DLG2: variants seen among roughly 807,000 people sequenced by gnomAD.
DLG2 encodes disks large homolog 2.
Under a neutral mutation model 132.5 loss-of-function variants are expected in DLG2, and 45 were observed. That is an observed-to-expected ratio of 0.34 (90% CI 0.27 to 0.44). The LOEUF is 0.44. DLG2 is among the 20% of genes least tolerant of loss of function. DLG2 has a pLI of 1.00. For missense variants in DLG2, 1,045 were observed against 1,196.9 expected (o/e 0.87, Z 1.87); for synonymous variants, 424 against 419.6 (o/e 1.01, Z -0.13).
intron 4 of DLG2, among the ~76,000 whole-genome samples, chr11:85,245,218 C>T (rs967746814): frequency 6.6e-6 from 1 of 151,872 alleles, no homozygotes; most frequent in Admixed American, 6.6e-5. Context: ...CATTTATATT[C>T]AACTGTAAAT....
intron 6 of DLG2, among the ~76,000 whole-genome samples, chr11:84,919,518 C>A (rs10898331): frequency 0.51 from 76,780 of 151,862 alleles, 19,768 homozygotes; most frequent in South Asian, 0.59. Flanking sequence ...TAGTAAGTCA[C>A]CGCTCAAGAG....
chr11:85,307,898 TA>T (rs1373434382), intron 3 of DLG2, among the ~76,000 whole-genome samples: 1 of 152,188 alleles, frequency 6.6e-6, no homozygotes, highest in Non-Finnish European at 1.5e-5. Context: ...CTCATGCCTG[TA>T]ATCCCAGCAT....
chr11:83,566,915 A>C (rs2096719114), intron 19 of DLG2, among the ~76,000 whole-genome samples: 1 of 152,170 alleles, frequency 6.6e-6, no homozygotes, highest in Non-Finnish European at 1.5e-5. Context: ...ACAGTGCCTA[A>C]ACAACTAGTA....
chr11:83,683,705 C>T (rs1009438088), intron 18 of DLG2, among the ~76,000 whole-genome samples: 3 of 152,122 alleles, frequency 2.0e-5, no homozygotes, highest in Non-Finnish European at 2.9e-5. Flanking sequence ...CCAAATGGTT[C>T]TCATTCCTGC....
At chr11:84,084,725 GTTAAT>G (rs149863307) in intron 10 of DLG2, among the ~76,000 whole-genome samples, 3,647 of 152,074 alleles carry the variant, frequency 0.024, 133 homozygotes, top group African/African-American at 0.083. Context: ...TACCTTTTTT[GTTAAT>G]TTATTCTATT....
intron 5 of DLG2, among the ~76,000 whole-genome samples, chr11:85,112,430 A>T (rs1031382029): frequency 6.6e-6 from 1 of 152,042 alleles, no homozygotes; most frequent in African/African-American, 2.4e-5. Flanking sequence ...ACTTTCACCA[A>T]CAATACTGCT....
intron 8 of DLG2, among the ~76,000 whole-genome samples, chr11:84,180,705 A>G (rs555460232): frequency 5.9e-5 from 9 of 152,240 alleles, no homozygotes; most frequent in African/African-American, 1.9e-4. Context: ...ATATCTACGG[A>G]GGAGCAAAGA....
At chr11:84,107,905 T>A (rs998944132) in intron 9 of DLG2, among the ~76,000 whole-genome samples, 2 of 152,142 alleles carry the variant, frequency 1.3e-5, no homozygotes, top group Non-Finnish European at 2.9e-5. Context: ...AGGGATCAGC[T>A]GGAGCCTGCT....
chr11:83,539,960 G>T (rs2096011640), intron 20 of DLG2, among the ~76,000 whole-genome samples: 1 of 152,180 alleles, frequency 6.6e-6, no homozygotes, highest in Non-Finnish European at 1.5e-5. Flanking sequence ...GTTGGAAAGA[G>T]TCAGAAAACT....
At chr11:85,295,668 A>G (rs1217872009) in intron 3 of DLG2, among the ~76,000 whole-genome samples, 1 of 152,172 alleles carries the variant, frequency 6.6e-6, no homozygotes, top group Non-Finnish European at 1.5e-5. Context: ...CAGTGCTAAA[A>G]CAAGTATATT....
rs562589584 is a variant in DLG2 at position 84,452,875 on chromosome 11, C to A, written c.519+81695G>T. The stretch of plus-strand genomic sequence containing the variant: ...CAGCCTCTACAATGTAGCAAGACCC[C>A]ATCTCCAAATAAATAAATAAAAGTT... On this transcript the variant is annotated intron_variant, in intron 7 of 27. Coordinates refer to ENST00000376104, the MANE Select transcript of DLG2 (RefSeq NM_001142699.3). 1.8e-4 allele frequency among the ~76,000 whole-genome samples: 27 copies of A among 151,638 alleles called. No individual in the cohort carries two copies. The South Asian group carries it at 5.4e-3, about 30-fold the overall frequency.
At chr11:85,376,371 A>T (rs181405488) in intron 3 of DLG2, among the ~76,000 whole-genome samples, 1 of 152,276 alleles carries the variant, frequency 6.6e-6, no homozygotes, top group Admixed American at 6.5e-5. Flanking sequence ...TGTCAATCTC[A>T]TAGGTCAAGA....
rs573027401 is a variant in DLG2 at position 85,383,740 on chromosome 11, C to T, written c.41-98375G>A. On this transcript the variant is annotated intron_variant, in intron 3 of 27. Transcript: ENST00000376104. Reference sequence around the variant, plus strand: ...AAGAATACTTCAATGCTAGAAATTGCTTCCTTCTGCCTAATAAAGTTATAT... The same window carrying T: ...AAGAATACTTCAATGCTAGAAATTGTTTCCTTCTGCCTAATAAAGTTATAT... Among the ~76,000 whole-genome samples the T allele has an allele frequency of 1.6e-4, 25 of 152,102 alleles. 1 individual carries two copies. In the South Asian group the frequency reaches 5.2e-3, roughly 32 times the overall value.
intron 18 of DLG2, among the ~76,000 whole-genome samples, chr11:83,688,260 T>C (rs2080192787): frequency 6.6e-6 from 1 of 152,224 alleles, no homozygotes; most frequent in Non-Finnish European, 1.5e-5. Context: ...TTAGTATAGA[T>C]TTCCTAGTTT....
chr11:83,706,703 A>G (rs1275526877), intron 18 of DLG2, among the ~76,000 whole-genome samples: 1 of 152,232 alleles, frequency 6.6e-6, no homozygotes, highest in Non-Finnish European at 1.5e-5. Context: ...CCAATTGTCG[A>G]GAGTTGCCAC....
At chr11:83,551,348 G>T (rs1421793347) in intron 19 of DLG2, among the ~76,000 whole-genome samples, 1 of 152,152 alleles carries the variant, frequency 6.6e-6, no homozygotes, top group Non-Finnish European at 1.5e-5. Context: ...TCTTTTAAGT[G>T]TTTATGGACT....
intron 6 of DLG2, among the ~76,000 whole-genome samples, chr11:84,715,123 C>T (rs1035111303): frequency 1.3e-5 from 2 of 152,008 alleles, no homozygotes; most frequent in Non-Finnish European, 2.9e-5. Flanking sequence ...AAAACTTTCC[C>T]CTATCTTAAT....
rs779039240 is a variant in DLG2 at position 84,506,079 on chromosome 11, C to CTTTT, written c.519+28487_519+28490dup. Among the ~76,000 whole-genome samples the CTTTT allele has an allele frequency of 2.2e-4, 24 of 107,024 alleles. 1 individual carries two copies. Among genetic ancestry groups the CTTTT allele is most frequent in the African/African-American group, 3.5e-4 (7 of 19,728 alleles). The allele number at this position is 107,024 out of a possible 152,430, so 70.2% of individuals were successfully genotyped here. A position where few individuals can be genotyped will look rare whatever the true frequency, so the allele number is the denominator to read the frequency against. The stretch of plus-strand genomic sequence containing the variant: ...CTAATGTTATGACAGAGGCTCAGTT[C>CTTTT]TTTTTTTTTTTTTTGAGACGGAGTC... On this transcript the variant is annotated intron_variant, in intron 7 of 27. Coordinates refer to ENST00000376104, the MANE Select transcript of DLG2 (RefSeq NM_001142699.3).
At chr11:85,252,002 GATAA>G (rs2076419125) in intron 4 of DLG2, among the ~76,000 whole-genome samples, 1 of 152,034 alleles carries the variant, frequency 6.6e-6, no homozygotes, top group Non-Finnish European at 1.5e-5. Context: ...GCTTATATAA[GATAA>G]CAAAATAGCA....
Sources: allele counts gnomAD v4.1 joint callset (sites outside exome capture counted in the v4.1 genomes callset), GRCh38; gene constraint gnomAD v4.1.1; transcripts MANE v1.5; gene names NCBI Gene and HGNC (gene_info 2026-07-23, HGNC 2026-07-21).